AP1M2: variants seen among roughly 807,000 people sequenced by gnomAD.
AP1M2 encodes adaptor related protein complex 1 subunit mu 2, also known as AP-1 complex subunit mu-2.
In AP1M2, 41 loss-of-function variants were observed where a neutral mutation model predicts 54.6. The observed-to-expected ratio is 0.75, with a 90% CI of 0.59 to 0.97. The LOEUF (loss-of-function observed/expected upper bound fraction) is 0.97. AP1M2 is among the 50% of genes least tolerant of loss of function. The pLI, the probability that AP1M2 is intolerant of heterozygous loss-of-function variation, is 0.00. For missense variants in AP1M2, 507 were observed against 561.2 expected, an observed-to-expected ratio of 0.90 and a Z score of 0.98; for synonymous variants, 219 against 215.9, an observed-to-expected ratio of 1.01 and a Z score of -0.13.
At chr19:10,576,258 A>ATTTTTTT (rs34667196) in intron 9 of AP1M2, among the ~76,000 whole-genome samples, 1 of 82,544 alleles carries the variant, frequency 1.2e-5, no homozygotes, top group Non-Finnish European at 2.2e-5. Flanking sequence ...TGCCCGGCTA[A>ATTTTTTT]TTTTTTTTTT....
At chr19:10,579,010 C>CTAT in intron 7 of AP1M2, 47 bp from the exon 8 acceptor site, 2 of 1,074,198 alleles carry the variant, frequency 1.9e-6, no homozygotes, top group Non-Finnish European at 2.7e-6. Flanking sequence ...CATGTTGACT[C>CTAT]TCTTCTTTTT....
chr19:10,574,225 G>C (rs948541438), intron 11 of AP1M2, 192 bp downstream of exon 11: 1 of 517,586 alleles, frequency 1.9e-6, no homozygotes, highest in African/African-American at 2.0e-5. Flanking sequence ...TCACCATGTT[G>C]GCCAGGTTGG....
intron 10 of AP1M2, 37 bp downstream of exon 10, chr19:10,574,867 A>T: frequency 6.3e-7 from 1 of 1,575,676 alleles, no homozygotes; most frequent in Non-Finnish European, 8.6e-7. Flanking sequence ...AACCCACCGA[A>T]GTCAAGGGGA....
chr19:10,573,363 G>A (rs550436136), intron 11 of AP1M2, among the ~76,000 whole-genome samples: 5 of 151,962 alleles, frequency 3.3e-5, no homozygotes, highest in African/African-American at 1.2e-4. Context: ...AGGTTGCAGT[G>A]AGCTGAGATT....
At position 10,573,030 on chromosome 19, in the gene AP1M2, G is replaced by A. The variant is rs1239642451; in HGVS notation, c.*36C>T. On this transcript the variant is annotated 3_prime_UTR_variant, in exon 12 of 12. Transcript: ENST00000250244. ...TAAAATCTGCATCCGGGGCTGTAAG[G>A]AAGCCCCGTGTTCAAGCCCCCATCT... is the stretch of plus-strand genomic sequence containing the variant. The A allele has an allele frequency of 2.6e-6, 4 of 1,553,724 alleles. No individual in the cohort carries two copies. The African/African-American group carries it at 5.5e-5, about 21-fold the overall frequency.
chr19:10,577,404 T>G, intron 8 of AP1M2, 48 bp from the exon 9 acceptor site: 1 of 974,376 alleles, frequency 1.0e-6, no homozygotes, highest in East Asian at 3.1e-5. Context: ...TTGCTCATCC[T>G]TCAAATATTT....
In AP1M2 at chr19:10,575,008, G is replaced by T. The variant is rs537168983; in HGVS notation, c.1069C>A (p.Arg357=). Residue 357 remains arginine (R), a synonymous_variant, in exon 10 of 12, where the codon CGA becomes AGA. Transcript: ENST00000250244. The part of the protein sequence containing the change: ...SFPGGKEYLM[R]AHFGLPSVEK... Reference sequence around the variant, plus strand: ...ACACTGGGGAGGCCAAAGTGGGCTCGCATCAAGTACTCCTTGCCCCCCTGA... The same window carrying T: ...ACACTGGGGAGGCCAAAGTGGGCTCTCATCAAGTACTCCTTGCCCCCCTGA... 1 of 1,538,362 alleles carries T rather than the reference G, an allele frequency of 6.5e-7. No homozygotes were observed. The highest frequency in any genetic ancestry group is 2.4e-5 in the East Asian group (1 of 41,970).
At chr19:10,581,241 GAAGA>G (rs1407500900) in intron 6 of AP1M2, 21 bp downstream of exon 6, 1 of 1,595,968 alleles carries the variant, frequency 6.3e-7, no homozygotes, top group Non-Finnish European at 8.6e-7. Context: ...GCATTTCTCA[GAAGA>G]AAGGTCCCCT....
Position 10,579,876 on chromosome 19 carries a change from G to A in AP1M2, c.674-18C>T. On this transcript the variant is annotated intron_variant, in intron 6 of 11. Transcript: ENST00000250244. ...CTTGCTGCCTGAAACTCAGAGTGGA[G>A]AGTGGAGAGTGACCCTGGGAACCAG... 6.3e-7 allele frequency: 1 copy of A among 1,582,502 alleles called. No individual in the cohort carries two copies. The highest frequency in any genetic ancestry group is 8.6e-7 in the Non-Finnish European group (1 of 1,160,822).
chr19:10,581,159 G>T (rs1029037303), intron 6 of AP1M2, 107 bp downstream of exon 6: 21 of 1,453,430 alleles, frequency 1.4e-5, no homozygotes, highest in Non-Finnish European at 1.6e-5. Context: ...CAGATGGTGA[G>T]CGAGCGCTTA....
chr19:10,579,996 A>C (rs1917381543), intron 6 of AP1M2, 138 bp from the exon 7 acceptor site: 1 of 713,344 alleles, frequency 1.4e-6, no homozygotes, highest in Admixed American at 3.6e-5. Context: ...AAAAACTGGC[A>C]CAGTAGAGCT....
At chr19:10,577,928 G>T (rs143399612) in intron 8 of AP1M2, among the ~76,000 whole-genome samples, 1 of 151,910 alleles carries the variant, frequency 6.6e-6, no homozygotes, top group African/African-American at 2.4e-5. Flanking sequence ...TAGAGACAGC[G>T]TTTCTCCATG....
Position 10,583,603 on chromosome 19 carries a change from T to C in AP1M2, c.267+3A>G, listed in dbSNP as rs1310744932. 3 of 1,604,852 alleles carry C rather than the reference T, an allele frequency of 1.9e-6. No homozygotes were observed. Among genetic ancestry groups the C allele is most frequent in the Non-Finnish European group, 2.6e-6 (3 of 1,172,674 alleles). The stretch of plus-strand genomic sequence containing the variant: ...AGTTAGCCAATGGGAGGCTAGTACC[T>C]ACCTCTATTGTCTTATACAGGAAGG... On this transcript the variant is annotated splice_donor_region_variant and intron_variant, in intron 3 of 11. Transcript: ENST00000250244.
rs1917274709 is a variant in AP1M2, at chr19:10,577,372, G to A, written c.889-16C>T. ...GCCCCTTGGCCTGTCAGGGGAGCGA[G>A]CATGGGGCACGAAGAATTCGCTTGC... On this transcript the variant is annotated splice_polypyrimidine_tract_variant and intron_variant, in intron 8 of 11. Transcript: ENST00000250244. 7.6e-6 allele frequency: 12 copies of A among 1,581,088 alleles called. No homozygotes were observed. The highest frequency in any genetic ancestry group is 1.0e-5 in the Non-Finnish European group (12 of 1,160,472).
intron 1 of AP1M2, among the ~76,000 whole-genome samples, chr19:10,585,348 AAAGAAAG>A (rs1251358490): frequency 7.9e-5 from 12 of 151,148 alleles, no homozygotes; most frequent in African/African-American, 2.7e-4. Context: ...AGAAAGAAAG[AAAGAAAG>A]ATGACAGTTC....
intron 1 of AP1M2, among the ~76,000 whole-genome samples, chr19:10,585,339 G>GA (rs1481648441): frequency 4.0e-5 from 6 of 149,882 alleles, no homozygotes; most frequent in African/African-American, 1.5e-4. Flanking sequence ...AAGAAAGAAA[G>GA]AAAGAAAGAA....
At chr19:10,586,695 C>T (rs974073366) in intron 1 of AP1M2, among the ~76,000 whole-genome samples, 1 of 152,000 alleles carries the variant, frequency 6.6e-6, no homozygotes, top group Admixed American at 6.6e-5. Flanking sequence ...GATCGCACCA[C>T]TGCACTCAAG....
chr19:10,582,037 CGT>C, intron 3 of AP1M2, among the ~76,000 whole-genome samples, 159 bp from the exon 4 acceptor site: 1 of 151,094 alleles, frequency 6.6e-6, no homozygotes, highest in South Asian at 2.1e-4. Context: ...ACCCCTATCT[CGT>C]TTTTTCTTTT....
chr19:10,576,590 G>C (rs1274905524), intron 9 of AP1M2, among the ~76,000 whole-genome samples: 1 of 151,952 alleles, frequency 6.6e-6, no homozygotes, highest in Non-Finnish European at 1.5e-5. Context: ...GTAGAGACGG[G>C]TTTTCACCAT....
Sources: allele counts gnomAD v4.1 joint callset (sites outside exome capture counted in the v4.1 genomes callset), GRCh38; gene constraint gnomAD v4.1.1; transcripts MANE v1.5; gene names NCBI Gene and HGNC (gene_info 2026-07-23, HGNC 2026-07-21).